MEI4: variants seen among roughly 807,000 people sequenced by gnomAD.
MEI4 encodes the protein meiotic double-stranded break formation protein 4, also known as meiosis-specific protein MEI4.
In MEI4, 27 loss-of-function variants were observed where a neutral mutation model predicts 31.4. The ratio of observed to expected loss-of-function variants is 0.86; its 90% CI spans 0.63 to 1.19. The LOEUF (loss-of-function observed/expected upper bound fraction) is 1.19. MEI4 is among the 50% of genes most tolerant of loss of function. MEI4 has a pLI of 0.00. For missense variants in MEI4, 329 were observed against 398.9 expected (o/e 0.82, Z 1.49); for synonymous variants, 122 against 145.4 (o/e 0.84, Z 1.16).
At chr6:77,712,156 GT>G (rs1331706163) in intron 2 of MEI4, among the ~76,000 whole-genome samples, 1 of 152,134 alleles carries the variant, frequency 6.6e-6, no homozygotes, top group Non-Finnish European at 1.5e-5. Flanking sequence ...ACAAGTAAAT[GT>G]TTAAGAGGGT....
chr6:77,667,523 T>C (rs1768662025), intron 1 of MEI4, among the ~76,000 whole-genome samples: 1 of 152,210 alleles, frequency 6.6e-6, no homozygotes, highest in Non-Finnish European at 1.5e-5. Context: ...TCATATATAA[T>C]ATGGCTTAAT....
intron 3 of MEI4, among the ~76,000 whole-genome samples, chr6:77,812,542 C>T (rs1769598575): frequency 6.6e-6 from 1 of 152,000 alleles, no homozygotes; most frequent in Non-Finnish European, 1.5e-5. Context: ...CTTGATGTTA[C>T]TTGTAGTTAG....
intron 4 of MEI4, among the ~76,000 whole-genome samples, chr6:77,888,925 C>T (rs954547789): frequency 2.0e-5 from 3 of 152,082 alleles, no homozygotes; most frequent in African/African-American, 7.2e-5. Context: ...GCTTTTCCCC[C>T]TTTGCTCAGC....
chr6:77,847,683 C>T lies in MEI4; in HGVS notation c.900+18621C>T, dbSNP rs1285440257. On this transcript the variant is annotated intron_variant, in intron 4 of 4. Coordinates refer to ENST00000684080, the MANE Select transcript of MEI4 (RefSeq NM_001322247.2). The surrounding 1 kb of genome is among the most constrained non-coding windows in gnomAD (Gnocchi z 4.6). ...CCTACTCCGATCTTTGTATTATAGA[C>T]ATTAACACATTTTAATGGAACCAAT... Among the ~76,000 whole-genome samples, 6 of 152,274 alleles carry T rather than the reference C, an allele frequency of 3.9e-5. No homozygotes were observed. The East Asian group carries it at 1.2e-3, about 29-fold the overall frequency.
At chr6:77,803,536 A>T (rs1769336929) in intron 3 of MEI4, among the ~76,000 whole-genome samples, 2 of 152,122 alleles carry the variant, frequency 1.3e-5, no homozygotes, top group Admixed American at 1.3e-4. Flanking sequence ...CCTTTGGTGG[A>T]GAAGAGGCAC....
intron 4 of MEI4, among the ~76,000 whole-genome samples, chr6:77,904,175 T>A (rs770347268): frequency 6.6e-6 from 1 of 152,200 alleles, no homozygotes; most frequent in Non-Finnish European, 1.5e-5. Flanking sequence ...TGTTATGCTT[T>A]GAATTTTTAC....
chr6:77,736,510 A>G (rs996085798), intron 2 of MEI4, among the ~76,000 whole-genome samples: 1 of 152,000 alleles, frequency 6.6e-6, no homozygotes, highest in African/African-American at 2.4e-5. Flanking sequence ...CGGTGCGCGC[A>G]CACACTGACC....
chr6:77,816,410 TTAG>T (rs1206499002), intron 3 of MEI4, among the ~76,000 whole-genome samples: 5 of 152,120 alleles, frequency 3.3e-5, no homozygotes, highest in Non-Finnish European at 5.9e-5. Flanking sequence ...TCAATATAAA[TTAG>T]TAGGAGGACT....
intron 2 of MEI4, among the ~76,000 whole-genome samples, chr6:77,698,554 T>G (rs1324943559): frequency 6.6e-6 from 1 of 152,238 alleles, no homozygotes; most frequent in Non-Finnish European, 1.5e-5. Flanking sequence ...TGTGAAATTC[T>G]GAGTTGAAAA....
intron 1 of MEI4, among the ~76,000 whole-genome samples, chr6:77,679,759 C>T (rs1332442883): frequency 1.3e-5 from 2 of 151,738 alleles, no homozygotes; most frequent in Non-Finnish European, 2.9e-5. Context: ...GCCCGCGTCC[C>T]CAAGACAGTC....
intron 4 of MEI4, among the ~76,000 whole-genome samples, chr6:77,887,628 G>A (rs1771657771): frequency 6.6e-6 from 1 of 152,086 alleles, no homozygotes; most frequent in South Asian, 2.1e-4. Context: ...TTATTACATT[G>A]TGGTCTGAAA....
intron 2 of MEI4, among the ~76,000 whole-genome samples, chr6:77,716,246 C>T (rs1264586151): frequency 6.6e-6 from 1 of 152,076 alleles, no homozygotes; most frequent in Non-Finnish European, 1.5e-5. Context: ...CAGAGATGGC[C>T]TTCTTGAAGA....
At chr6:77,863,655 T>C (rs1262985355) in intron 4 of MEI4, among the ~76,000 whole-genome samples, 1 of 152,212 alleles carries the variant, frequency 6.6e-6, no homozygotes, top group East Asian at 1.9e-4. Context: ...GAAAACACTC[T>C]GCAGGATATA....
At chr6:77,868,195 G>T (rs899660984) in intron 4 of MEI4, among the ~76,000 whole-genome samples, 15 of 149,248 alleles carry the variant, frequency 1.0e-4, no homozygotes, top group African/African-American at 3.7e-4. Context: ...TTGTACACAT[G>T]TACCCTTAAA....
At chr6:77,706,289 G>C (rs115981312) in intron 2 of MEI4, among the ~76,000 whole-genome samples, 1,575 of 152,112 alleles carry the variant, frequency 0.01, 28 homozygotes, top group African/African-American at 0.036. Flanking sequence ...TTTCAGAAGG[G>C]GTCCTTCCCT....
In MEI4 at chr6:77,923,096, C is replaced by T. The variant is rs1766748309; in HGVS notation, c.908C>T (p.Ala303Val). Residue 303 changes from alanine (A) to valine (V), a missense_variant, in exon 5 of 5, where the codon GCC becomes GTC. Coordinates refer to ENST00000684080, the MANE Select transcript of MEI4 (RefSeq NM_001322247.2). The part of the protein sequence containing the change: ...DDLGAINQEQ[A>V]SYDVSRYENI... ...TTTGTTGTTTATTTGTAGGAGCAAG[C>T]CAGTTATGATGTGTCACGCTATGAA... The T allele has an allele frequency of 8.1e-7, 1 of 1,229,858 alleles. No individual in the cohort carries two copies. The highest frequency in any genetic ancestry group is 3.1e-4 in the Middle Eastern group (1 of 3,192). The allele number at this position is 1,229,858 out of a possible 1,614,324, so 76.2% of individuals were successfully genotyped here.
intron 3 of MEI4, among the ~76,000 whole-genome samples, chr6:77,775,470 T>A (rs758735608): frequency 6.6e-6 from 1 of 152,202 alleles, no homozygotes; most frequent in Non-Finnish European, 1.5e-5. Flanking sequence ...TCACTTAGAA[T>A]AATGGTCTTC....
intron 3 of MEI4, among the ~76,000 whole-genome samples, chr6:77,785,883 T>C (rs754206210): frequency 2.2e-4 from 34 of 152,140 alleles, no homozygotes; most frequent in Non-Finnish European, 4.6e-4. Flanking sequence ...TAATCCTCAC[T>C]AGATATTAAA....
intron 2 of MEI4, among the ~76,000 whole-genome samples, chr6:77,707,547 A>G (rs112459828): frequency 0.018 from 2,808 of 152,336 alleles, 39 homozygotes; most frequent in Non-Finnish European, 0.031. Context: ...CTGTGGAGCA[A>G]TCACTTTCTA....
Sources: allele counts gnomAD v4.1 joint callset (sites outside exome capture counted in the v4.1 genomes callset), GRCh38; gene constraint gnomAD v4.1.1; non-coding constraint Gnocchi (gnomAD v3.1); transcripts MANE v1.5; gene names NCBI Gene and HGNC (gene_info 2026-07-23, HGNC 2026-07-21).